The following CFAP54 variants were observed in gnomAD, a reference collection of about 807,000 sequenced individuals.
CFAP54 encodes the protein cilia- and flagella-associated protein 54.
A neutral mutation model predicts 370.4 loss-of-function variants in CFAP54; 290 were observed. The ratio of observed to expected loss-of-function variants is 0.78; its 90% CI spans 0.71 to 0.86. The LOEUF is 0.86. Among genes scored for constraint, CFAP54 ranks in the 40% least tolerant of loss-of-function variants. The pLI, the probability that CFAP54 is intolerant of heterozygous loss-of-function variation, is 0.00. For synonymous variants in CFAP54, 1,206 were observed against 1,236.5 expected (o/e 0.98, Z 0.52); for missense variants, 3,399 against 3,528.7 (o/e 0.96, Z 0.93).
At chr12:96,518,420 C>T (rs1388205294) in intron 5 of CFAP54, among the ~76,000 whole-genome samples, 1 of 152,190 alleles carries the variant, frequency 6.6e-6, no homozygotes, top group Non-Finnish European at 1.5e-5. Context: ...GGTGCAGTGG[C>T]TCATGCCTGT....
intron 33 of CFAP54, 59 bp from the exon 34 acceptor site, chr12:96,647,816 A>G (rs1359546812): frequency 2.9e-6 from 4 of 1,370,288 alleles, no homozygotes; most frequent in South Asian, 1.5e-5. Context: ...ATTGCATTTG[A>G]CAGATTTAAT....
chr12:96,845,471 A>G (rs1229811333), intron 66 of CFAP54, among the ~76,000 whole-genome samples: 3 of 152,184 alleles, frequency 2.0e-5, no homozygotes, highest in African/African-American at 7.2e-5. Flanking sequence ...CTTTCAACTG[A>G]AGGACATGAA....
At chr12:96,548,041 A>T (rs914015672) in intron 15 of CFAP54, 63 bp downstream of exon 15, 22 of 691,540 alleles carry the variant, frequency 3.2e-5, no homozygotes, top group Non-Finnish European at 5.1e-5. Flanking sequence ...ATAATATTAA[A>T]TTTGTAAATG....
At chr12:96,505,549 C>G (rs917485967) in intron 3 of CFAP54, among the ~76,000 whole-genome samples, 5 of 148,546 alleles carry the variant, frequency 3.4e-5, no homozygotes, top group South Asian at 2.1e-4. Flanking sequence ...GTTGCCCAAG[C>G]TGGAGTGCAG....
At chr12:96,674,336 CTTTTTT>C (rs5800259) in intron 39 of CFAP54, among the ~76,000 whole-genome samples, 12 of 125,022 alleles carry the variant, frequency 9.6e-5, no homozygotes, top group Non-Finnish European at 1.5e-4. Flanking sequence ...CAATGTTTTT[CTTTTTT>C]TTTTTTTTTT....
rs1260773042 is a variant in CFAP54 at position 96,784,879 on chromosome 12, G to A, written c.8444G>A (p.Ser2815Asn). The part of the protein sequence containing the change: ...YIHLQRINNL[S>N]KLLASATPVS... ...CACCTTCAGAGGATTAATAATCTGA[G>A]CAAACTGCTAGGTAGGTTTTTTGAT... The change falls in exon 61 of 68, where the codon AGC (serine) becomes AAC (asparagine). Residue 2815 changes from serine (S) to asparagine (N), a missense_variant. Transcript: ENST00000524981. 6.6e-7 allele frequency: 1 copy of A among 1,517,048 alleles called. No individual in the cohort carries two copies. Among genetic ancestry groups the A allele is most frequent in the South Asian group, 1.2e-5 (1 of 80,284 alleles). 94.0% of individuals were successfully genotyped at this position (1,517,048 alleles called of 1,614,324 possible). A position where few individuals can be genotyped will look rare whatever the true frequency, so the allele number is the denominator to read the frequency against.
At chr12:96,531,625 AT>A (rs766493660) in intron 9 of CFAP54, among the ~76,000 whole-genome samples, 21 of 151,640 alleles carry the variant, frequency 1.4e-4, no homozygotes, top group Non-Finnish European at 2.5e-4. Flanking sequence ...CCTCTATCTG[AT>A]TTTTCAGGTC....
At chr12:96,787,020 GA>G in intron 62 of CFAP54, 122 bp downstream of exon 62, 1 of 764,784 alleles carries the variant, frequency 1.3e-6, no homozygotes, top group Non-Finnish European at 2.0e-6. Flanking sequence ...GAGTTCTAGG[GA>G]AGGCTCATTC....
At chr12:96,703,682 C>T (rs535427981) in intron 46 of CFAP54, among the ~76,000 whole-genome samples, 1 of 151,608 alleles carries the variant, frequency 6.6e-6, no homozygotes, top group East Asian at 1.9e-4. Flanking sequence ...AAAAAAAAAC[C>T]AAAAATATTT....
At chr12:96,654,541 G>T (rs1019241205) in intron 36 of CFAP54, among the ~76,000 whole-genome samples, 1 of 151,558 alleles carries the variant, frequency 6.6e-6, no homozygotes, top group Non-Finnish European at 1.5e-5. Flanking sequence ...GAGAAAATTT[G>T]TTATATGCAT....
chr12:96,590,976 G>T (rs1379110555), intron 23 of CFAP54, among the ~76,000 whole-genome samples: 1 of 150,352 alleles, frequency 6.7e-6, no homozygotes, highest in Non-Finnish European at 1.5e-5. Context: ...AAAATGAATG[G>T]TATCTCCCAG....
intron 65 of CFAP54, among the ~76,000 whole-genome samples, chr12:96,822,737 G>A (rs1959046906): frequency 6.6e-6 from 1 of 152,104 alleles, no homozygotes; most frequent in South Asian, 2.1e-4. Context: ...AACATCCCAG[G>A]GGGAATCCTT....
chr12:96,819,271 T>C (rs1263891682), intron 65 of CFAP54, among the ~76,000 whole-genome samples: 1 of 152,208 alleles, frequency 6.6e-6, no homozygotes, highest in African/African-American at 2.4e-5. Flanking sequence ...ACATTCATCA[T>C]GGAACATCAC....
rs140362642 is a variant in CFAP54 at position 96,851,513 on chromosome 12, CTT to C, written c.9172-9305_9172-9304del. 4.6e-3 allele frequency among the ~76,000 whole-genome samples: 700 copies of C among 152,100 alleles called. 3 individuals carry two copies. The highest frequency in any genetic ancestry group is 0.016 in the African/African-American group (649 of 41,524). On this transcript the variant is annotated intron_variant, in intron 66 of 67. Coordinates refer to ENST00000524981, the MANE Select transcript of CFAP54 (RefSeq NM_001306084.2). The stretch of plus-strand genomic sequence containing the variant: ...TAAATATTAAGAAATAACAGGCAAA[CTT>C]ATATTTATTTGTAAATACTATCATT...
At chr12:96,671,392 T>A (rs1957144350) in intron 39 of CFAP54, among the ~76,000 whole-genome samples, 1 of 150,570 alleles carries the variant, frequency 6.6e-6, no homozygotes, top group African/African-American at 2.5e-5. Flanking sequence ...ATTTAGGGGT[T>A]TTTTTTGTGT....
chr12:96,504,962 TCTTTCTTTCTTTCC>T (rs1181243860), intron 3 of CFAP54, among the ~76,000 whole-genome samples: 1 of 151,576 alleles, frequency 6.6e-6, no homozygotes, highest in Non-Finnish European at 1.5e-5. Context: ...TTTCTTTCTT[TCTTTCTTTCTTTCC>T]CTTTCTTTCT....
intron 38 of CFAP54, among the ~76,000 whole-genome samples, chr12:96,660,681 T>A (rs1956984210): frequency 6.6e-6 from 1 of 152,216 alleles, no homozygotes; most frequent in African/African-American, 2.4e-5. Context: ...AAATCAGTTC[T>A]GCAGTGGACA....
intron 63 of CFAP54, among the ~76,000 whole-genome samples, chr12:96,800,915 G>T (rs1431316714): frequency 6.6e-6 from 1 of 152,194 alleles, no homozygotes; most frequent in African/African-American, 2.4e-5. Context: ...TCCAGAGTCT[G>T]CACATCTGAG....
chr12:96,552,635 C>T lies in CFAP54; in HGVS notation c.2155-1547C>T, dbSNP rs575914205. 1.4e-4 allele frequency among the ~76,000 whole-genome samples: 22 copies of T among 152,254 alleles called. No homozygotes were observed. In the South Asian group the frequency reaches 4.1e-3, roughly 29 times the overall value. ...TTGGGGTTACAGGCGTGAGCCACCA[C>T]GCCTGGCCTTAGTAATAGTAATCTA... is the stretch of plus-strand genomic sequence containing the variant. On this transcript the variant is annotated intron_variant, in intron 15 of 67. Coordinates refer to ENST00000524981, the MANE Select transcript of CFAP54 (RefSeq NM_001306084.2).
Sources: gnomAD v4.1 joint callset for allele counts (sites outside exome capture counted in the v4.1 genomes callset) on GRCh38, gnomAD v4.1.1 for gene constraint, MANE v1.5 for transcripts, NCBI Gene and HGNC (gene_info 2026-07-23, HGNC 2026-07-21) for gene names.